Variants in MAST4 observed in about 807,000 individuals in gnomAD.
The protein encoded by MAST4 is microtubule associated serine/threonine kinase family member 4.
A neutral mutation model predicts 162.7 loss-of-function variants in MAST4; 89 were observed. The observed-to-expected ratio is 0.55, with a 90% CI of 0.46 to 0.65. The LOEUF (loss-of-function observed/expected upper bound fraction) is 0.65. Among genes scored for constraint, MAST4 ranks in the 30% least tolerant of loss-of-function variants. The pLI is 0.00. For missense variants in MAST4, 3,153 were observed against 3,374.0 expected (o/e 0.93, Z 1.62); for synonymous variants, 1,479 against 1,361.1 (o/e 1.09, Z -1.91).
chr5:67,078,865 T>C (rs6877944), intron 5 of MAST4, among the ~76,000 whole-genome samples: 2 of 112,590 alleles, frequency 1.8e-5, no homozygotes, highest in Non-Finnish European at 3.3e-5. Context: ...TTTATATAAA[T>C]ATATATTTAT....
chr5:67,120,433 TTTTTTCTATTCCCATC>T (rs1581631605), intron 13 of MAST4, among the ~76,000 whole-genome samples: 1 of 152,214 alleles, frequency 6.6e-6, no homozygotes, highest in African/African-American at 2.4e-5. Flanking sequence ...TTTAAAGCAT[TTTTTTCTATTCCCATC>T]CTTTGAGCTA....
chr5:67,083,017 T>C (rs190733255), intron 5 of MAST4, among the ~76,000 whole-genome samples: 1 of 152,328 alleles, frequency 6.6e-6, no homozygotes, highest in Admixed American at 6.5e-5. Flanking sequence ...CACCTGTTTA[T>C]TGATCTAAGG....
intron 4 of MAST4, among the ~76,000 whole-genome samples, chr5:67,050,998 T>C (rs1758111623): frequency 6.6e-6 from 1 of 152,182 alleles, no homozygotes; most frequent in Admixed American, 6.5e-5. Flanking sequence ...TTCATAACTT[T>C]TCTTTAGTTT....
In MAST4 at chr5:67,118,763, T is replaced by A; in HGVS notation, c.1659+14T>A. On this transcript the variant is annotated intron_variant, in intron 13 of 28. Coordinates refer to ENST00000403625, the MANE Select transcript of MAST4 (RefSeq NM_001164664.2). ...GAATCAGTGAGTGTAAGTATATTTC[T>A]TGATGAAATATGATGTTGGTTTTTC... 6.8e-7 allele frequency: 1 copy of A among 1,467,840 alleles called. No individual in the cohort carries two copies. Among genetic ancestry groups the A allele is most frequent in the Non-Finnish European group, 9.4e-7 (1 of 1,068,792 alleles). The allele number at this position is 1,467,840 out of a possible 1,614,324, so 90.9% of individuals were successfully genotyped here.
intron 3 of MAST4, among the ~76,000 whole-genome samples, chr5:66,845,947 A>G (rs908721336): frequency 6.6e-6 from 1 of 152,150 alleles, no homozygotes; most frequent in African/African-American, 2.4e-5. Context: ...TAAACATAAC[A>G]TTTATTGAAC....
chr5:66,923,559 TTC>T (rs749213968), intron 4 of MAST4, among the ~76,000 whole-genome samples: 1 of 152,204 alleles, frequency 6.6e-6, no homozygotes, highest in Non-Finnish European at 1.5e-5. Context: ...TATCACGTTG[TTC>T]TCTTTTTCCT....
At position 67,142,236 on chromosome 5, in the gene MAST4, T is replaced by C; in HGVS notation, c.2616T>C (p.Asp872=). ...CTGAGGATGACACAAGTTATTTTGA[T>C]AGTATGTGCTTTATCTGACATAAAA... ...LESEDDTSYF[D]TRSEKYHHME... Residue 872 remains aspartate (D), a splice_region_variant and synonymous_variant, in exon 20 of 29, where the codon GAT becomes GAC. Coordinates refer to ENST00000403625, the MANE Select transcript of MAST4 (RefSeq NM_001164664.2). The C allele has an allele frequency of 6.2e-7, 1 of 1,613,652 alleles. No individual in the cohort carries two copies. The highest frequency in any genetic ancestry group is 8.5e-7 in the Non-Finnish European group (1 of 1,179,760).
chr5:66,722,606 G>A (rs1751286130), intron 1 of MAST4, among the ~76,000 whole-genome samples: 1 of 152,162 alleles, frequency 6.6e-6, no homozygotes, highest in Non-Finnish European at 1.5e-5. Flanking sequence ...ACAAAGAACA[G>A]TGCCTGGAAC....
chr5:67,023,845 C>G (rs1754289424), intron 4 of MAST4, among the ~76,000 whole-genome samples: 1 of 151,626 alleles, frequency 6.6e-6, no homozygotes, highest in South Asian at 2.1e-4. Flanking sequence ...TAAATTTTGT[C>G]CAATTACTGC....
At position 67,152,871 on chromosome 5, in the gene MAST4, G is replaced by A; in HGVS notation, c.3525+5G>A. The A allele has an allele frequency of 2.5e-6, 4 of 1,605,358 alleles. No individual in the cohort carries two copies. Among genetic ancestry groups the A allele is most frequent in the Non-Finnish European group, 3.4e-6 (4 of 1,172,484 alleles). Reference sequence around the variant, plus strand: ...ACAGTGCACCATATCGTCTGGGTAAGACCTGCATGTCTCGCACTTGGGATT... The same window carrying A: ...ACAGTGCACCATATCGTCTGGGTAAAACCTGCATGTCTCGCACTTGGGATT... On this transcript the variant is annotated splice_donor_5th_base_variant and intron_variant, in intron 25 of 28. Coordinates refer to ENST00000403625, the MANE Select transcript of MAST4 (RefSeq NM_001164664.2).
chr5:66,996,124 A>G (rs568924534), intron 4 of MAST4, among the ~76,000 whole-genome samples: 4 of 152,124 alleles, frequency 2.6e-5, no homozygotes, highest in African/African-American at 7.2e-5. Flanking sequence ...CTAAAAATAC[A>G]CAAAATTAGC....
chr5:66,693,061 T>A (rs1749153770), intron 1 of MAST4, among the ~76,000 whole-genome samples: 1 of 151,552 alleles, frequency 6.6e-6, no homozygotes, highest in South Asian at 2.1e-4. Flanking sequence ...AGTACAAAGG[T>A]TACAAAATTT....
chr5:67,160,781 A>G (rs528937203), intron 27 of MAST4, among the ~76,000 whole-genome samples, 189 bp downstream of exon 27: 1 of 152,362 alleles, frequency 6.6e-6, no homozygotes, highest in South Asian at 2.1e-4. Flanking sequence ...AAAAGGATTT[A>G]CATATTTACA....
chr5:66,855,407 C>G (rs1033827194), intron 3 of MAST4, among the ~76,000 whole-genome samples: 5 of 152,174 alleles, frequency 3.3e-5, no homozygotes, highest in African/African-American at 1.2e-4. Context: ...TTAGATACTT[C>G]TTTATAGCAA....
At chr5:66,792,154 T>C (rs765541111) in intron 3 of MAST4, 4 of 167,120 alleles carry the variant, frequency 2.4e-5, no homozygotes, top group Non-Finnish European at 5.9e-5. Flanking sequence ...GTACACCTTG[T>C]ATAATTTTTT....
chr5:67,072,869 A>G (rs112073450), intron 5 of MAST4, among the ~76,000 whole-genome samples: 2,197 of 152,308 alleles, frequency 0.014, 56 homozygotes, highest in African/African-American at 0.049. Flanking sequence ...AGGGATTGCT[A>G]TGAAAACACA....
chr5:66,802,747 C>T (rs1441116909), intron 3 of MAST4, among the ~76,000 whole-genome samples: 1 of 152,090 alleles, frequency 6.6e-6, no homozygotes, highest in Admixed American at 6.5e-5. Flanking sequence ...GACCTTAATT[C>T]TCTAGGACAT....
chr5:66,890,469 A>C (rs1762299257), intron 3 of MAST4, among the ~76,000 whole-genome samples: 1 of 152,178 alleles, frequency 6.6e-6, no homozygotes, highest in Non-Finnish European at 1.5e-5. Flanking sequence ...AGCTTGTTTC[A>C]TTTGTCCGTT....
chr5:66,686,747 C>T (rs992185494), intron 1 of MAST4, among the ~76,000 whole-genome samples: 8 of 152,124 alleles, frequency 5.3e-5, no homozygotes, highest in African/African-American at 1.2e-4. Context: ...CAGTCTCTCC[C>T]GGAAGTTGCC....
Sources: gnomAD v4.1 joint callset for allele counts (sites outside exome capture counted in the v4.1 genomes callset) on GRCh38, gnomAD v4.1.1 for gene constraint, MANE v1.5 for transcripts, NCBI Gene and HGNC (gene_info 2026-07-23, HGNC 2026-07-21) for gene names.